Variants in DPP6 observed in about 807,000 individuals in gnomAD.
DPP6 encodes A-type potassium channel modulatory protein DPP6.
A neutral mutation model predicts 122.6 loss-of-function variants in DPP6; 69 were observed. That is an observed-to-expected ratio of 0.56 (90% CI 0.46 to 0.69). The LOEUF is 0.69. Ranked by LOEUF, DPP6 falls within the 30% of genes least tolerant of loss-of-function variation. DPP6 has a pLI of 0.00. For missense variants in DPP6, 928 were observed against 1,116.9 expected, an observed-to-expected ratio of 0.83 and a Z score of 2.41; for synonymous variants, 418 against 433.1, an observed-to-expected ratio of 0.97 and a Z score of 0.43.
chr7:154,687,654 C>G (rs1011120975), intron 7 of DPP6, among the ~76,000 whole-genome samples: 1 of 152,124 alleles, frequency 6.6e-6, no homozygotes, highest in Non-Finnish European at 1.5e-5. Flanking sequence ...CCTGTCTTTT[C>G]ACTCTTATTT....
intron 5 of DPP6, among the ~76,000 whole-genome samples, chr7:154,633,592 A>G (rs1835539053): frequency 6.6e-6 from 1 of 152,240 alleles, no homozygotes; most frequent in Non-Finnish European, 1.5e-5. Flanking sequence ...ACAGAAAAAG[A>G]AAAAGACTTT....
intron 1 of DPP6, among the ~76,000 whole-genome samples, chr7:153,961,892 C>G (rs577584283): frequency 7.0e-6 from 1 of 143,586 alleles, no homozygotes; most frequent in Non-Finnish European, 1.5e-5. Context: ...GTAATGCGAG[C>G]GATGGGGAGC....
chr7:154,584,610 C>T (rs1380910570), intron 5 of DPP6, among the ~76,000 whole-genome samples: 3 of 152,330 alleles, frequency 2.0e-5, no homozygotes, highest in East Asian at 3.9e-4. Flanking sequence ...TCGCTCGGGA[C>T]GCCCATCCTG....
intron 6 of DPP6, among the ~76,000 whole-genome samples, chr7:154,657,839 C>A (rs1273455286): frequency 6.6e-6 from 1 of 152,124 alleles, no homozygotes; most frequent in African/African-American, 2.4e-5. Context: ...ACTGGTGGAG[C>A]AAAATCCGAG....
chr7:154,322,388 T>C (rs1174799317), intron 1 of DPP6, among the ~76,000 whole-genome samples: 1 of 152,208 alleles, frequency 6.6e-6, no homozygotes, highest in Non-Finnish European at 1.5e-5. Flanking sequence ...GACCCCACCA[T>C]GCTCTGACAC....
At chr7:154,795,544 C>T (rs1007218489) in intron 11 of DPP6, among the ~76,000 whole-genome samples, 1 of 152,188 alleles carries the variant, frequency 6.6e-6, no homozygotes, top group Non-Finnish European at 1.5e-5. Context: ...CCCTGGTACA[C>T]GTGCCATCTT....
chr7:154,477,870 T>C (rs929234664), intron 3 of DPP6, among the ~76,000 whole-genome samples: 1 of 152,200 alleles, frequency 6.6e-6, no homozygotes, highest in Admixed American at 6.5e-5. Context: ...TGATTCTCCC[T>C]CTGTAAATGT....
chr7:154,867,603 G>A (rs1803995760), intron 17 of DPP6, among the ~76,000 whole-genome samples: 1 of 152,130 alleles, frequency 6.6e-6, no homozygotes, highest in Non-Finnish European at 1.5e-5. Context: ...TCCTTTTCTG[G>A]TTATTATGGC....
At chr7:153,975,256 A>G (rs1796237073) in intron 1 of DPP6, among the ~76,000 whole-genome samples, 2 of 127,406 alleles carry the variant, frequency 1.6e-5, no homozygotes, top group African/African-American at 2.7e-5. Context: ...AAAAAAAATT[A>G]TTTCACTTAT....
Position 154,875,757 on chromosome 7 carries a change from G to T in DPP6, c.1884-149G>T, listed in dbSNP as rs753901892. 6 of 1,218,294 alleles carry T rather than the reference G, an allele frequency of 4.9e-6. No individual in the cohort carries two copies. The highest frequency in any genetic ancestry group is 3.4e-6 in the Non-Finnish European group (3 of 894,760). The allele number at this position is 1,218,294 out of a possible 1,614,324, so 75.5% of individuals were successfully genotyped here. On this transcript the variant is annotated intron_variant, in intron 19 of 25. Coordinates refer to ENST00000377770, the MANE Select transcript of DPP6 (RefSeq NM_130797.4). The surrounding 1 kb of genome is among the most constrained non-coding windows in gnomAD (Gnocchi z 4.5). ...TGGATAACACCTGGCTCACCTGCCCGGGGCAACAGAATCTGGGGTATGGAG... is the reference window on the plus strand; with the variant it reads ...TGGATAACACCTGGCTCACCTGCCCTGGGCAACAGAATCTGGGGTATGGAG...
chr7:154,777,619 G>A lies in DPP6; in HGVS notation c.1136+4677G>A, dbSNP rs536007263. ...GGCCTTTCCCGAGCAGTTGAGCTGC[G>A]TGTTGAGTTAAGATGCGGCAGATAG... On this transcript the variant is annotated intron_variant, in intron 10 of 25. Transcript: ENST00000377770. 6.6e-5 allele frequency among the ~76,000 whole-genome samples: 10 copies of A among 152,278 alleles called. No homozygotes were observed. In the East Asian group the frequency reaches 7.7e-4, roughly 12 times the overall value.
chr7:154,049,304 T>G (rs1238113378), upstream of DPP6, among the ~76,000 whole-genome samples: 3 of 121,900 alleles, frequency 2.5e-5, no homozygotes, highest in East Asian at 2.4e-4. Flanking sequence ...TTTTCCTTGT[T>G]TGTGTGTGTG....
At chr7:154,264,186 G>T (rs1447107440) in intron 1 of DPP6, among the ~76,000 whole-genome samples, 4 of 152,108 alleles carry the variant, frequency 2.6e-5, no homozygotes, top group Non-Finnish European at 5.9e-5. Flanking sequence ...ACATATATTT[G>T]CACTGAGTTC....
At chr7:154,751,372 G>A (rs923877364) in intron 8 of DPP6, among the ~76,000 whole-genome samples, 3 of 152,024 alleles carry the variant, frequency 2.0e-5, no homozygotes, top group African/African-American at 7.2e-5. Flanking sequence ...GACCAAGGCG[G>A]GCCGATCACC....
chr7:154,751,782 C>T (rs1274127553), intron 8 of DPP6, among the ~76,000 whole-genome samples: 1 of 152,098 alleles, frequency 6.6e-6, no homozygotes, highest in African/African-American at 2.4e-5. Context: ...ATAGGACTTC[C>T]ACAGCATCAT....
intron 1 of DPP6, among the ~76,000 whole-genome samples, chr7:154,409,398 AC>A (rs1816403267): frequency 6.6e-6 from 1 of 152,158 alleles, no homozygotes; most frequent in Non-Finnish European, 1.5e-5. Context: ...TTCATCTTGG[AC>A]TTCTAGTCCC....
the DPP6 span, among the ~76,000 whole-genome samples, chr7:153,794,300 G>A: frequency 6.6e-6 from 1 of 152,224 alleles, no homozygotes; most frequent in Non-Finnish European, 1.5e-5. Flanking sequence ...CCAAGACCAT[G>A]GGAACCCACC....
chr7:154,117,785 A>G (rs531681076), intron 1 of DPP6, among the ~76,000 whole-genome samples: 12 of 151,672 alleles, frequency 7.9e-5, no homozygotes, highest in African/African-American at 2.7e-4. Context: ...GATGTAGGAG[A>G]TGCAGGTGAG....
the DPP6 span, among the ~76,000 whole-genome samples, chr7:153,779,798 T>C: frequency 7.4e-6 from 1 of 135,942 alleles, no homozygotes; most frequent in Non-Finnish European, 1.6e-5. Context: ...AAAAGAACAT[T>C]AGTGAAACAG....
Sources: allele counts gnomAD v4.1 joint callset (sites outside exome capture counted in the v4.1 genomes callset), GRCh38; gene constraint gnomAD v4.1.1; non-coding constraint Gnocchi (gnomAD v3.1); transcripts MANE v1.5; gene names NCBI Gene and HGNC (gene_info 2026-07-23, HGNC 2026-07-21).